CYP20A1: variants seen among roughly 807,000 people sequenced by gnomAD.
The protein encoded by CYP20A1 is cytochrome P450 family 20 subfamily A member 1.
Under a neutral mutation model 61.4 loss-of-function variants are expected in CYP20A1, and 61 were observed. That is an observed-to-expected ratio of 0.99 (90% CI 0.81 to 1.23). The LOEUF (loss-of-function observed/expected upper bound fraction) is 1.23, where lower values mean the gene tolerates loss of function less well. Ranked by LOEUF, CYP20A1 falls within the 50% of genes most tolerant of loss-of-function variation. The pLI, the probability that CYP20A1 is intolerant of heterozygous loss-of-function variation, is 0.00. For synonymous variants in CYP20A1, 193 were observed against 188.2 expected (o/e 1.03, Z -0.21); for missense variants, 530 against 542.4 (o/e 0.98, Z 0.23).
rs2066483936 is a variant in CYP20A1, at chr2:203,247,001, C to G, written c.289+80C>G. 6.4e-6 allele frequency: 9 copies of G among 1,395,376 alleles called. No individual in the cohort carries two copies. The East Asian group carries it at 2.1e-4, about 33-fold the overall frequency. The allele number at this position is 1,395,376 out of a possible 1,614,324, so 86.4% of individuals were successfully genotyped here. On this transcript the variant is annotated intron_variant, in intron 3 of 12. Transcript: ENST00000356079. The stretch of plus-strand genomic sequence containing the variant: ...TTAGGCTGGGCACGGTGGCTCACAC[C>G]TGTAATCCCAACACTTTGGGAGGCT...
intron 9 of CYP20A1, among the ~76,000 whole-genome samples, chr2:203,288,061 C>CTTTCTGTTTTTTTTTTTTTTTTTTT (rs2068365903): frequency 1.4e-5 from 1 of 70,444 alleles, no homozygotes; most frequent in Admixed American, 2.3e-4. Flanking sequence ...TTCTCTCTCT[C>CTTTCTGTTTTTTTTTTTTTTTTTTT]TTTTTTTTTT....
intron 4 of CYP20A1, among the ~76,000 whole-genome samples, chr2:203,252,952 G>A (rs993450488): frequency 6.6e-6 from 1 of 152,022 alleles, no homozygotes; most frequent in Non-Finnish European, 1.5e-5. Context: ...TTTCCCAGTT[G>A]GGGTGGCGAG....
intron 6 of CYP20A1, among the ~76,000 whole-genome samples, chr2:203,273,616 G>C (rs1575227235): frequency 6.6e-6 from 1 of 152,194 alleles, no homozygotes; most frequent in East Asian, 1.9e-4. Flanking sequence ...CCTGGGCAAT[G>C]TAGTGAGAGA....
chr2:203,254,264 C>T (rs1325731582), intron 4 of CYP20A1, among the ~76,000 whole-genome samples: 1 of 151,934 alleles, frequency 6.6e-6, no homozygotes, highest in Non-Finnish European at 1.5e-5. Flanking sequence ...TATTTTTAAC[C>T]CTTGCCTTCC....
At chr2:203,272,472 G>A (rs149452026) in intron 5 of CYP20A1, among the ~76,000 whole-genome samples, 198 bp from the exon 6 acceptor site, 1 of 151,034 alleles carries the variant, frequency 6.6e-6, no homozygotes, top group Admixed American at 6.6e-5. Flanking sequence ...AGCCTGGGAG[G>A]TGGAGGTTGC....
intron 7 of CYP20A1, 86 bp from the exon 8 acceptor site, chr2:203,279,965 TGACACTAA>T: frequency 2.6e-6 from 2 of 759,386 alleles, no homozygotes; most frequent in Non-Finnish European, 2.0e-6. Context: ...TTTTTTTCAT[TGACACTAA>T]TTTTATGCTG....
At chr2:203,266,784 C>T in intron 5 of CYP20A1, 103 bp downstream of exon 5, 1 of 906,840 alleles carries the variant, frequency 1.1e-6, no homozygotes, top group South Asian at 1.6e-5. Flanking sequence ...AGTTAAAGAC[C>T]AGCCTGCCCC....
Position 203,239,129 on chromosome 2 carries a change from T to C in CYP20A1, c.67T>C (p.Tyr23His). 1 of 1,612,946 alleles carries C rather than the reference T, an allele frequency of 6.2e-7. No homozygotes were observed. ...LALVGAVLYLYPASRQAAGIP... is the reference protein window; with the variant it reads ...LALVGAVLYLHPASRQAAGIP... ...GTTGGTGGGAGCCGTGCTCTACCTC[T>C]ATCCGGTGAGCGCCGTCTTGGCTCT... Residue 23 changes from tyrosine to histidine, a missense_variant, in exon 1 of 13, where the codon TAT (tyrosine) becomes CAT (histidine). Tyr to His is a moderately conservative substitution (Grantham distance 83). Transcript: ENST00000356079.
intron 8 of CYP20A1, among the ~76,000 whole-genome samples, chr2:203,281,166 A>G (rs1189093495): frequency 6.6e-6 from 1 of 152,216 alleles, no homozygotes; most frequent in Admixed American, 6.6e-5. Context: ...ATTTATAAAA[A>G]ATACTTCAAT....
At chr2:203,262,872 G>C (rs1463112438) in intron 4 of CYP20A1, among the ~76,000 whole-genome samples, 1 of 151,694 alleles carries the variant, frequency 6.6e-6, no homozygotes, top group Non-Finnish European at 1.5e-5. Context: ...TAGAGATGGG[G>C]TTTCACCATG....
intron 10 of CYP20A1, among the ~76,000 whole-genome samples, chr2:203,291,620 A>G (rs903724322): frequency 1.3e-5 from 2 of 152,050 alleles, no homozygotes; most frequent in African/African-American, 4.8e-5. Flanking sequence ...TGTCAATTAT[A>G]TAGCAAATAA....
At chr2:203,278,791 G>A in intron 7 of CYP20A1, 103 bp downstream of exon 7, 2 of 613,942 alleles carry the variant, frequency 3.3e-6, no homozygotes, top group Non-Finnish European at 5.6e-6. Flanking sequence ...GAGGTGGGAG[G>A]ATCACTTGAA....
At chr2:203,291,648 AT>A (rs368650625) in intron 10 of CYP20A1, among the ~76,000 whole-genome samples, 159 of 148,910 alleles carry the variant, frequency 1.1e-3, no homozygotes, top group Middle Eastern at 3.5e-3. Flanking sequence ...TGTTGCTTAC[AT>A]TTTTTTTTGT....
chr2:203,245,092 C>T lies in CYP20A1; in HGVS notation c.73-754C>T, dbSNP rs1388143543. 4.8e-5 allele frequency among the ~76,000 whole-genome samples: 7 copies of T among 144,826 alleles called. No individual in the cohort carries two copies. In the East Asian group the frequency reaches 8.2e-4, roughly 17 times the overall value. On this transcript the variant is annotated intron_variant, in intron 1 of 12. Coordinates refer to ENST00000356079, the MANE Select transcript of CYP20A1 (RefSeq NM_177538.3). ...TTGCCCAGGCTGTAGTGCAGTAGCA[C>T]GATGTTGGCTCAGTGCAACCTCTGC...
In CYP20A1 at chr2:203,249,142, C is replaced by A. The variant is rs1038106288; in HGVS notation, c.289+2221C>A. ...GGAGAGAATGTAGATAAACCTCTTACAATGGTACAAGATCTAGAAGCTATA... is the reference window on the plus strand; with the variant it reads ...GGAGAGAATGTAGATAAACCTCTTAAAATGGTACAAGATCTAGAAGCTATA... On this transcript the variant is annotated intron_variant, in intron 3 of 12. Transcript: ENST00000356079. Among the ~76,000 whole-genome samples, 3 of 152,184 alleles carry A rather than the reference C, an allele frequency of 2.0e-5. 1 individual carries two copies. In the South Asian group the frequency reaches 6.2e-4, roughly 31 times the overall value.
chr2:203,241,565 A>G (rs2066255817), intron 1 of CYP20A1, among the ~76,000 whole-genome samples: 1 of 152,254 alleles, frequency 6.6e-6, no homozygotes, highest in Non-Finnish European at 1.5e-5. Context: ...AATAGAAGGA[A>G]GCCAGATGTT....
At chr2:203,280,031 A>G (rs2067979594) in intron 7 of CYP20A1, 28 bp from the exon 8 acceptor site, 2 of 1,568,386 alleles carry the variant, frequency 1.3e-6, no homozygotes, top group Non-Finnish European at 8.7e-7. Context: ...CATTTTTCAC[A>G]CTTTCTAAAC....
rs573533742 is a variant in CYP20A1 at position 203,278,788 on chromosome 2, G to T, written c.795+100G>T. The T allele has an allele frequency of 7.5e-5, 47 of 625,586 alleles. No individual in the cohort carries two copies. The African/African-American group carries it at 8.1e-4, about 11-fold the overall frequency. The allele number at this position is 625,586 out of a possible 1,614,324, so 38.8% of individuals were successfully genotyped here. A position where few individuals can be genotyped will look rare whatever the true frequency, so the allele number is the denominator to read the frequency against. On this transcript the variant is annotated intron_variant, in intron 7 of 12. Transcript: ENST00000356079. ...CCAGCTACTTGAGAGGGTGAGGTGG[G>T]AGGATCACTTGAACCCAAGAGATCA...
intron 4 of CYP20A1, among the ~76,000 whole-genome samples, chr2:203,257,317 CAAAAAA>C (rs751345935): frequency 1.8e-5 from 2 of 113,494 alleles, no homozygotes; most frequent in East Asian, 2.5e-4. Flanking sequence ...GACACTGTCT[CAAAAAA>C]AAAAAAAAAA....
Sources: allele counts gnomAD v4.1 joint callset (sites outside exome capture counted in the v4.1 genomes callset), GRCh38; gene constraint gnomAD v4.1.1; transcripts MANE v1.5; gene names NCBI Gene and HGNC (gene_info 2026-07-23, HGNC 2026-07-21).